The following PIK3CG variants were observed in gnomAD, a reference collection of about 807,000 sequenced individuals.
The protein encoded by PIK3CG is phosphatidylinositol-4,5-bisphosphate 3-kinase catalytic subunit gamma.
A neutral mutation model predicts 102.3 loss-of-function variants in PIK3CG; 55 were observed. The observed-to-expected ratio is 0.54, with a 90% confidence interval of 0.43 to 0.67. The LOEUF (loss-of-function observed/expected upper bound fraction) is 0.67, where lower values mean the gene tolerates loss of function less well. PIK3CG is among the 30% of genes least tolerant of loss of function. The pLI is 0.00. For synonymous variants in PIK3CG, 552 were observed against 540.0 expected (o/e 1.02, Z -0.31); for missense variants, 1,258 against 1,391.8 (o/e 0.90, Z 1.53).
rs2116536942 is a variant in PIK3CG at position 106,882,112 on chromosome 7, C to T, written c.2539-5C>T. The T allele has an allele frequency of 7.0e-7, 1 of 1,432,284 alleles. No homozygotes were observed. Among genetic ancestry groups the T allele is most frequent in the South Asian group, 1.6e-5 (1 of 62,300 alleles). The allele number at this position is 1,432,284 out of a possible 1,614,324, so 88.7% of individuals were successfully genotyped here. A position where few individuals can be genotyped will look rare whatever the true frequency, so the allele number is the denominator to read the frequency against. On this transcript the variant is annotated splice_region_variant and splice_polypyrimidine_tract_variant and intron_variant, in intron 6 of 10. Coordinates refer to ENST00000496166, the MANE Select transcript of PIK3CG (RefSeq NM_001282426.2). ...ATATAAACATTTCTGTGTTTCGATG[C>T]CCAGATTCTACGAATCATGGAGTCT...
rs1477269128 is a variant in PIK3CG, at chr7:106,874,886, C to A, written c.2391+83C>A. On this transcript the variant is annotated intron_variant, in intron 5 of 10. Transcript: ENST00000496166. This position sits in a 1 kb window ranked among gnomAD's most constrained non-coding sequence, Gnocchi z 4.3. ...CTTGCTGGGGCCCAGTACTTAAAAG[C>A]TAATGTTTATGCAGAGACAGGGAAG... The A allele has an allele frequency of 1.2e-6, 1 of 853,918 alleles. No homozygotes were observed. The highest frequency in any genetic ancestry group is 2.5e-5 in the East Asian group (1 of 39,746). The allele number at this position is 853,918 out of a possible 1,614,324, so 52.9% of individuals were successfully genotyped here.
intron 10 of PIK3CG, among the ~76,000 whole-genome samples, chr7:106,904,807 T>C (rs746645801): frequency 2.6e-5 from 4 of 152,218 alleles, no homozygotes; most frequent in Admixed American, 6.5e-5. Flanking sequence ...ATTACAGAAA[T>C]GTCTACCCTC....
Position 106,867,541 on chromosome 7 carries a change from C to T in PIK3CG, c.-12-9C>T, listed in dbSNP as rs764207151. The T allele has an allele frequency of 4.6e-6, 7 of 1,526,932 alleles. No individual in the cohort carries two copies. The highest frequency in any genetic ancestry group is 4.2e-5 in the African/African-American group (3 of 71,768). 94.6% of individuals were successfully genotyped at this position (1,526,932 alleles called of 1,614,324 possible). ...CTTGTGACAAATCCCTGTGTCCCTC[C>T]GCTCCCAGGTCGCATAGGGCATGGA... On this transcript the variant is annotated splice_polypyrimidine_tract_variant and intron_variant, in intron 1 of 10. Transcript: ENST00000496166. The surrounding 1 kb of genome is among the most constrained non-coding windows in gnomAD (Gnocchi z 5.1).
In PIK3CG at chr7:106,907,934, T is replaced by C. The variant is rs374117564; in HGVS notation, c.*2547T>C. 2.0e-4 allele frequency among the ~76,000 whole-genome samples: 30 copies of C among 151,930 alleles called. No individual in the cohort carries two copies. The South Asian group carries it at 6.2e-3, about 32-fold the overall frequency. On this transcript the variant is annotated 3_prime_UTR_variant, in exon 11 of 11. Coordinates refer to ENST00000496166, the MANE Select transcript of PIK3CG (RefSeq NM_001282426.2). ...TAGACTTATAGATAAATAAAAATCA[T>C]CTTTGTGGGCTTCCTTCCTTTACTG...
chr7:106,883,019 G>T lies in PIK3CG; in HGVS notation c.2630-14G>T, dbSNP rs369580644. ...GCCCCCAATCTCCATCAGACTCTGT[G>T]CATCCTTCTGTAGGAATGATCGAGA... is the stretch of plus-strand genomic sequence containing the variant. On this transcript the variant is annotated splice_polypyrimidine_tract_variant and intron_variant, in intron 7 of 10. Transcript: ENST00000496166. This position sits in a 1 kb window ranked among gnomAD's most constrained non-coding sequence, Gnocchi z 5.8. The T allele has an allele frequency of 6.2e-7, 1 of 1,612,600 alleles. No homozygotes were observed.
intron 5 of PIK3CG, among the ~76,000 whole-genome samples, chr7:106,875,872 A>G (rs529558803): frequency 1.3e-5 from 2 of 149,710 alleles, no homozygotes; most frequent in African/African-American, 2.5e-5. Flanking sequence ...GTTGTTTCAC[A>G]TCCTAGCAAG....
Position 106,893,467 on chromosome 7 carries a change from C to T in PIK3CG, c.3030+7175C>T, listed in dbSNP as rs1562799485. 6.6e-6 allele frequency among the ~76,000 whole-genome samples: 1 copy of T among 152,228 alleles called. No homozygotes were observed. Among genetic ancestry groups the T allele is most frequent in the Middle Eastern group, 3.4e-3 (1 of 294 alleles). ...GAATCCAAAACTGGAAAGATAATAA[C>T]CTTTTAATTGACATCATTCTCTCAA... On this transcript the variant is annotated intron_variant, in intron 10 of 10. Transcript: ENST00000496166. This position sits in a 1 kb window ranked among gnomAD's most constrained non-coding sequence, Gnocchi z 4.4.
At chr7:106,882,619 C>T (rs1053282296) in intron 7 of PIK3CG, 3 of 175,730 alleles carry the variant, frequency 1.7e-5, no homozygotes, top group African/African-American at 7.1e-5. Flanking sequence ...TTTTTATAGA[C>T]ATTCAGCATT....
intron 5 of PIK3CG, among the ~76,000 whole-genome samples, chr7:106,876,206 G>T (rs62482165): frequency 6.6e-6 from 1 of 151,498 alleles, no homozygotes; most frequent in Admixed American, 6.6e-5. Context: ...GAGCCACCGC[G>T]CCCGGCCTAT....
chr7:106,908,291 G>A lies in PIK3CG; in HGVS notation c.*2904G>A, dbSNP rs138873759. Reference sequence around the variant, plus strand: ...TGCATGGGTCCATGAGACCAGCACTGTGTGGGTCTGAATGATGGCTTTGGT... The same window carrying A: ...TGCATGGGTCCATGAGACCAGCACTATGTGGGTCTGAATGATGGCTTTGGT... On this transcript the variant is annotated 3_prime_UTR_variant, in exon 11 of 11. Transcript: ENST00000496166. This position sits in a 1 kb window ranked among gnomAD's most constrained non-coding sequence, Gnocchi z 4.1. 5.0e-4 allele frequency among the ~76,000 whole-genome samples: 76 copies of A among 152,326 alleles called. 1 individual carries two copies. Among genetic ancestry groups the A allele is most frequent in the Admixed American group, 1.9e-3 (29 of 15,296 alleles).
chr7:106,901,319 T>G (rs1307575921), intron 10 of PIK3CG, among the ~76,000 whole-genome samples: 1 of 152,186 alleles, frequency 6.6e-6, no homozygotes, highest in African/African-American at 2.4e-5. Context: ...CTTCAAGTTC[T>G]GAGATTCTTT....
At chr7:106,898,372 C>G (rs1256019033) in intron 10 of PIK3CG, among the ~76,000 whole-genome samples, 1 of 152,158 alleles carries the variant, frequency 6.6e-6, no homozygotes, top group Non-Finnish European at 1.5e-5. Flanking sequence ...TGCAGAAGCT[C>G]TTAAGTTTAA....
intron 1 of PIK3CG, among the ~76,000 whole-genome samples, chr7:106,866,037 T>G (rs1790272586): frequency 6.6e-6 from 1 of 152,240 alleles, no homozygotes; most frequent in South Asian, 2.1e-4. Context: ...TAACTTCATA[T>G]TTTAAGAGAG....
chr7:106,866,295 G>A (rs530915086), intron 1 of PIK3CG, among the ~76,000 whole-genome samples: 1 of 152,264 alleles, frequency 6.6e-6, no homozygotes, highest in Admixed American at 6.5e-5. Flanking sequence ...ACAATGTAGT[G>A]ATACTAAACA....
rs1038375847 is a variant in PIK3CG at position 106,903,172 on chromosome 7, A to G, written c.3031-1937A>G. Among the ~76,000 whole-genome samples the G allele has an allele frequency of 2.0e-5, 3 of 152,122 alleles. No homozygotes were observed. The highest frequency in any genetic ancestry group is 1.5e-5 in the Non-Finnish European group (1 of 68,002). ...TTCCTTGTCTTTTTGGGAGAAGACT[A>G]CTTACTGGTTCGCACTGTTTTTAAT... On this transcript the variant is annotated intron_variant, in intron 10 of 10. Coordinates refer to ENST00000496166, the MANE Select transcript of PIK3CG (RefSeq NM_001282426.2). The surrounding 1 kb of genome is among the most constrained non-coding windows in gnomAD (Gnocchi z 4.3).
chr7:106,873,628 T>C (rs540100783), intron 4 of PIK3CG, among the ~76,000 whole-genome samples: 5 of 152,312 alleles, frequency 3.3e-5, no homozygotes, highest in Admixed American at 2.6e-4. Flanking sequence ...TATACCATTT[T>C]ATATCAGGGG....
At position 106,903,528 on chromosome 7, in the gene PIK3CG, T is replaced by G. The variant is rs1296330565; in HGVS notation, c.3031-1581T>G. Among the ~76,000 whole-genome samples the G allele has an allele frequency of 6.6e-6, 1 of 151,854 alleles. No individual in the cohort carries two copies. Among genetic ancestry groups the G allele is most frequent in the Non-Finnish European group, 1.5e-5 (1 of 67,952 alleles). ...AAGCATAGGTTCTACATGTTTTATG[T>G]GTTCATCCTAGGAATCATGTTATTG... is the stretch of plus-strand genomic sequence containing the variant. On this transcript the variant is annotated intron_variant, in intron 10 of 10. Transcript: ENST00000496166. This position sits in a 1 kb window ranked among gnomAD's most constrained non-coding sequence, Gnocchi z 4.3.
Position 106,868,815 on chromosome 7 carries a change from C to T in PIK3CG, c.1254C>T (p.Ile418=). The T allele has an allele frequency of 6.2e-7, 1 of 1,614,210 alleles. No individual in the cohort carries two copies. Among genetic ancestry groups the T allele is most frequent in the Non-Finnish European group, 8.5e-7 (1 of 1,180,034 alleles). ...GGAATGTGTGGCTTGAGTTCAGTAT[C>T]AAAATCAAAGACTTGCCCAAAGGGG... ...VLWNVWLEFS[I]KIKDLPKGAL... is the part of the protein sequence containing the mutation. The change falls in exon 2 of 11, where the codon ATC becomes ATT. Residue 418 remains isoleucine (I), a synonymous_variant. Transcript: ENST00000496166. This position sits in a 1 kb window ranked among gnomAD's most constrained non-coding sequence, Gnocchi z 6.2.
chr7:106,865,853 G>A (rs1790262025), intron 1 of PIK3CG: 1 of 152,190 alleles, frequency 6.6e-6, no homozygotes, highest in Non-Finnish European at 1.5e-5. Context: ...TTATTGCTGT[G>A]TATTTATATG....
Sources: gnomAD v4.1 joint callset for allele counts (sites outside exome capture counted in the v4.1 genomes callset) on GRCh38, gnomAD v4.1.1 for gene constraint, Gnocchi (gnomAD v3.1) non-coding constraint, MANE v1.5 for transcripts, NCBI Gene and HGNC (gene_info 2026-07-23, HGNC 2026-07-21) for gene names.